Variants in NOXRED1 observed in about 807,000 individuals in gnomAD.
The protein encoded by NOXRED1 is NADP dependent oxidoreductase domain containing 1.
In NOXRED1, 20 loss-of-function variants were observed where a neutral mutation model predicts 30.4. The ratio of observed to expected loss-of-function variants is 0.66; its 90% CI spans 0.46 to 0.96. The LOEUF (loss-of-function observed/expected upper bound fraction) is 0.96. Among genes scored for constraint, NOXRED1 ranks in the 40% least tolerant of loss-of-function variants. The probability of loss-of-function intolerance (pLI) is 0.00; values close to 1 mark genes in which losing one functional copy is unlikely to be tolerated. For synonymous variants in NOXRED1, 155 were observed against 168.0 expected, an observed-to-expected ratio of 0.92 and a Z score of 0.60; for missense variants, 374 against 428.0, an observed-to-expected ratio of 0.87 and a Z score of 1.11.
At chr14:77,409,959 T>C (rs1464267465) in intron 2 of NOXRED1, among the ~76,000 whole-genome samples, 1 of 152,030 alleles carries the variant, frequency 6.6e-6, no homozygotes, top group Non-Finnish European at 1.5e-5. Context: ...TGTGCCATCA[T>C]GCCTGGCTAA....
chr14:77,402,711 A>G (rs1385435868), intron 5 of NOXRED1, among the ~76,000 whole-genome samples: 1 of 151,000 alleles, frequency 6.6e-6, no homozygotes, highest in Non-Finnish European at 1.5e-5. Context: ...ACCAAAGACA[A>G]TATACAAATG....
chr14:77,394,462 T>C lies in NOXRED1; in HGVS notation c.*169A>G, dbSNP rs1272046932. 2.2e-6 allele frequency: 1 copy of C among 459,838 alleles called. No homozygotes were observed. The highest frequency in any genetic ancestry group is 3.8e-6 in the Non-Finnish European group (1 of 262,190). 28.5% of individuals were successfully genotyped at this position (459,838 alleles called of 1,614,324 possible). On this transcript the variant is annotated 3_prime_UTR_variant, in exon 6 of 6. Coordinates refer to ENST00000380835, the MANE Select transcript of NOXRED1 (RefSeq NM_001113475.3). ...CATATTGATGGATAGGACCACTTGT[T>C]TTATTCTACATTTTAAAGAGTCATC...
At position 77,408,919 on chromosome 14, in the gene NOXRED1, C is replaced by T. The variant is rs114792273; in HGVS notation, c.350-1274G>A. ...TTTTTTTTTTTTTTTTTTTGGCTAG[C>T]GATGGGATCTCACTGTTATCCAGGC... On this transcript the variant is annotated intron_variant, in intron 2 of 5. Coordinates refer to ENST00000380835, the MANE Select transcript of NOXRED1 (RefSeq NM_001113475.3). Among the ~76,000 whole-genome samples the T allele has an allele frequency of 1.3e-3, 5 of 3,764 alleles. No homozygotes were observed. In the East Asian group the frequency reaches 0.14, roughly 103 times the overall value. 2.5% of individuals were successfully genotyped at this position (3,764 alleles called of 152,430 possible). A position where few individuals can be genotyped will look rare whatever the true frequency, so the allele number is the denominator to read the frequency against.
intron 1 of NOXRED1, among the ~76,000 whole-genome samples, chr14:77,417,580 T>TG (rs778719202): frequency 6.6e-6 from 1 of 152,276 alleles, no homozygotes; most frequent in Non-Finnish European, 1.5e-5. Flanking sequence ...GATACAAGTA[T>TG]GACTACTCCT....
intron 5 of NOXRED1, among the ~76,000 whole-genome samples, chr14:77,402,896 G>T (rs1276519341): frequency 6.7e-6 from 1 of 148,336 alleles, no homozygotes; most frequent in Non-Finnish European, 1.5e-5. Context: ...TTAGCCGGGT[G>T]TGGTGGTGCA....
intron 2 of NOXRED1, among the ~76,000 whole-genome samples, chr14:77,411,903 C>T (rs2139685686): frequency 6.6e-6 from 1 of 152,200 alleles, no homozygotes; most frequent in East Asian, 1.9e-4. Flanking sequence ...ACCAGCCTGG[C>T]TAACATGGTG....
chr14:77,407,003 G>A, intron 3 of NOXRED1, 128 bp from the exon 4 acceptor site: 1 of 794,662 alleles, frequency 1.3e-6, no homozygotes, highest in Non-Finnish European at 2.0e-6. Context: ...TGCGGGTCTG[G>A]GTCTGTGCTG....
At chr14:77,409,379 C>A (rs1237713386) in intron 2 of NOXRED1, among the ~76,000 whole-genome samples, 1 of 152,126 alleles carries the variant, frequency 6.6e-6, no homozygotes, top group East Asian at 1.9e-4. Context: ...ATGGCACTTT[C>A]CCCTGTGTGC....
chr14:77,419,036 T>C (rs1196898450), intron 1 of NOXRED1, among the ~76,000 whole-genome samples: 2 of 151,986 alleles, frequency 1.3e-5, no homozygotes, highest in Admixed American at 6.6e-5. Flanking sequence ...ATGAGGTTTT[T>C]TGTTGTTGTT....
At position 77,406,138 on chromosome 14, in the gene NOXRED1, A is replaced by G. The variant is rs1233854213; in HGVS notation, c.683-3T>C. 1.2e-6 allele frequency: 2 copies of G among 1,600,866 alleles called. No individual in the cohort carries two copies. Among genetic ancestry groups the G allele is most frequent in the Non-Finnish European group, 1.7e-6 (2 of 1,168,584 alleles). ...CTTGATATTGAGGATTATTCCCCCT[A>G]CACATCAATGAGAAGGTAAATACCA... On this transcript the variant is annotated splice_region_variant and splice_polypyrimidine_tract_variant and intron_variant, in intron 4 of 5. Coordinates refer to ENST00000380835, the MANE Select transcript of NOXRED1 (RefSeq NM_001113475.3).
rs529076751 is a variant in NOXRED1 at position 77,395,965 on chromosome 14, C to T, written c.906-1160G>A. 2.6e-5 allele frequency among the ~76,000 whole-genome samples: 4 copies of T among 151,992 alleles called. No homozygotes were observed. In the East Asian group the frequency reaches 7.7e-4, roughly 29 times the overall value. ...GGCATGATGGTGCGCACCTGTAGTC[C>T]CAGCTACTCAGGAGGCTGAGAGAAG... On this transcript the variant is annotated intron_variant, in intron 5 of 5. Transcript: ENST00000380835.
intron 5 of NOXRED1, among the ~76,000 whole-genome samples, chr14:77,402,441 C>T (rs1301904481): frequency 6.6e-6 from 1 of 152,112 alleles, no homozygotes; most frequent in Non-Finnish European, 1.5e-5. Context: ...GCCTGACTAA[C>T]ATGGAGAAAC....
intron 2 of NOXRED1, among the ~76,000 whole-genome samples, chr14:77,411,310 A>C (rs1185425638): frequency 6.6e-6 from 1 of 151,240 alleles, no homozygotes; most frequent in Non-Finnish European, 1.5e-5. Context: ...CTCTATTAAA[A>C]ATACAAAAAA....
chr14:77,397,503 T>C (rs913812072), intron 5 of NOXRED1, among the ~76,000 whole-genome samples: 1 of 152,202 alleles, frequency 6.6e-6, no homozygotes, highest in African/African-American at 2.4e-5. Context: ...TCTATTTCCA[T>C]TGATGGAAAA....
rs1253159158 is a variant in NOXRED1, at chr14:77,409,864, G to A, written c.350-2219C>T. On this transcript the variant is annotated intron_variant, in intron 2 of 5. Coordinates refer to ENST00000380835, the MANE Select transcript of NOXRED1 (RefSeq NM_001113475.3). ...TGCTCTGTCATCCAGGCTGGAGTGC[G>A]TGGTACAATTTTGGCTCACTGCAAC... 3.3e-5 allele frequency among the ~76,000 whole-genome samples: 5 copies of A among 150,316 alleles called. No individual in the cohort carries two copies. In the South Asian group the frequency reaches 6.3e-4, roughly 19 times the overall value.
chr14:77,424,623 AAAG>A (rs1194121556), upstream of NOXRED1, among the ~76,000 whole-genome samples: 3 of 152,230 alleles, frequency 2.0e-5, no homozygotes, highest in Admixed American at 1.3e-4. Context: ...TCCGAAGGAA[AAAG>A]AAGCTCAAAA....
At chr14:77,398,451 A>G (rs777379582) in intron 5 of NOXRED1, among the ~76,000 whole-genome samples, 1 of 152,060 alleles carries the variant, frequency 6.6e-6, no homozygotes, top group Non-Finnish European at 1.5e-5. Flanking sequence ...GACCTGGGGG[A>G]AGAGAAATAG....
At chr14:77,404,540 T>G (rs1341683772) in intron 5 of NOXRED1, among the ~76,000 whole-genome samples, 1 of 151,992 alleles carries the variant, frequency 6.6e-6, no homozygotes, top group East Asian at 1.9e-4. Flanking sequence ...AGATACAGAG[T>G]TATATGCTGT....
At chr14:77,423,973 G>C (rs886204252), upstream of NOXRED1, among the ~76,000 whole-genome samples, 1 of 152,156 alleles carries the variant, frequency 6.6e-6, no homozygotes, top group African/African-American at 2.4e-5. Flanking sequence ...CACCCATTAA[G>C]CAGTTACTCC....
Sources: allele counts gnomAD v4.1 joint callset (sites outside exome capture counted in the v4.1 genomes callset), GRCh38; gene constraint gnomAD v4.1.1; transcripts MANE v1.5; gene names NCBI Gene and HGNC (gene_info 2026-07-23, HGNC 2026-07-21).